Variants in RABIF observed in about 807,000 individuals in gnomAD.
RABIF encodes the protein RAB interacting factor.
Under a neutral mutation model 12.3 loss-of-function variants are expected in RABIF, and 13 were observed. That is an observed-to-expected ratio of 1.06 (90% CI 0.69 to 1.68). The LOEUF is 1.68. Ranked by LOEUF, RABIF falls within the 40% of genes most tolerant of loss-of-function variation. The pLI, the probability that RABIF is intolerant of heterozygous loss-of-function variation, is 0.00. For missense variants in RABIF, 153 were observed against 158.0 expected (o/e 0.97, Z 0.17); for synonymous variants, 70 against 63.3 (o/e 1.11, Z -0.50).
intron 1 of RABIF, among the ~76,000 whole-genome samples, chr1:202,884,620 G>A (rs1393701094): frequency 6.6e-6 from 1 of 152,150 alleles, no homozygotes; most frequent in East Asian, 1.9e-4. Context: ...GGGGGTCCAT[G>A]TACGGACGGA....
intron 1 of RABIF, 137 bp downstream of exon 1, chr1:202,888,836 G>C: frequency 8.1e-7 from 1 of 1,234,092 alleles, no homozygotes; most frequent in Non-Finnish European, 1.1e-6. Flanking sequence ...GCCGAGCTGA[G>C]GCCCGAGGGG....
intron 1 of RABIF, among the ~76,000 whole-genome samples, chr1:202,882,605 C>G (rs549929553): frequency 6.6e-6 from 1 of 152,224 alleles, no homozygotes; most frequent in South Asian, 2.1e-4. Flanking sequence ...CACATGTATA[C>G]TGGTGAAACC....
Position 202,878,825 on chromosome 1 carries a change from A to T in RABIF, c.*2153T>A, listed in dbSNP as rs770664065. The T allele has an allele frequency of 6.6e-6, 1 of 152,210 alleles. No homozygotes were observed. Among genetic ancestry groups the T allele is most frequent in the Non-Finnish European group, 1.5e-5 (1 of 68,030 alleles). The allele number at this position is 152,210 out of a possible 1,614,324, so 9.4% of individuals were successfully genotyped here. Reference sequence around the variant, plus strand: ...CTATTAGGTGTGAGGGAAATGAAGAAATGACGTTTGCATTTTATAGCTGAC... The same window carrying T: ...CTATTAGGTGTGAGGGAAATGAAGATATGACGTTTGCATTTTATAGCTGAC... On this transcript the variant is annotated 3_prime_UTR_variant, in exon 2 of 2. Coordinates refer to ENST00000367262, the MANE Select transcript of RABIF (RefSeq NM_002871.5).
In RABIF at chr1:202,880,765, AAATGTGATAC is replaced by A. The variant is rs1659476774; in HGVS notation, c.*203_*212del. The stretch of plus-strand genomic sequence containing the variant: ...AAACTGGGGGAAAAGGGAGCTTAGG[AAATGTGATAC>A]AAAGTGAACTAAGCAGGAGGCATGT... On this transcript the variant is annotated 3_prime_UTR_variant, in exon 2 of 2. Transcript: ENST00000367262. The A allele has an allele frequency of 7.6e-7, 1 of 1,317,368 alleles. No homozygotes were observed. The highest frequency in any genetic ancestry group is 1.5e-5 in the African/African-American group (1 of 68,322). 81.6% of individuals were successfully genotyped at this position (1,317,368 alleles called of 1,614,324 possible).
At chr1:202,885,927 T>C (rs975312716) in intron 1 of RABIF, among the ~76,000 whole-genome samples, 1 of 150,228 alleles carries the variant, frequency 6.7e-6, no homozygotes, top group Non-Finnish European at 1.5e-5. Flanking sequence ...ATAGGAAATT[T>C]CCAGAAATAC....
intron 1 of RABIF, among the ~76,000 whole-genome samples, chr1:202,882,036 T>C (rs73089370): frequency 0.041 from 6,291 of 152,314 alleles, 181 homozygotes; most frequent in South Asian, 0.12. Context: ...TAAATGCACA[T>C]TAGCTTGGGC....
rs1341208157 is a variant in RABIF, at chr1:202,880,709, T to C, written c.*269A>G. 7 of 1,179,160 alleles carry C rather than the reference T, an allele frequency of 5.9e-6. No individual in the cohort carries two copies. Among genetic ancestry groups the C allele is most frequent in the Non-Finnish European group, 7.4e-6 (7 of 948,756 alleles). The allele number at this position is 1,179,160 out of a possible 1,614,324, so 73.0% of individuals were successfully genotyped here. A position where few individuals can be genotyped will look rare whatever the true frequency, so the allele number is the denominator to read the frequency against. On this transcript the variant is annotated 3_prime_UTR_variant, in exon 2 of 2. Transcript: ENST00000367262. ...CCTAGGGAGAATGCCAGGGAAGAGA[T>C]GAGATTTTTGGAGGTAAGCACAGTG...
At position 202,881,173 on chromosome 1, in the gene RABIF, AT is replaced by A; in HGVS notation, c.176del (p.Asn59IlefsTer49). The A allele has an allele frequency of 1.2e-6, 2 of 1,614,160 alleles. No individual in the cohort carries two copies. The highest frequency in any genetic ancestry group is 8.5e-7 in the Non-Finnish European group (1 of 1,180,026). ...GTTCCTGGAGGAGATCGCCGTCAGG[AT>A]TGCTGCCGTCAGACAGAGCTGGCTT... ...RKKPALSDGS[N>X]PDGDLLQEHW... On this transcript the variant is annotated frameshift_variant, in exon 2 of 2. Transcript: ENST00000367262. LOFTEE classifies it high-confidence loss of function.
At position 202,881,223 on chromosome 1, in the gene RABIF, G is replaced by C. The variant is rs556109251; in HGVS notation, c.127C>G (p.Leu43Val). ...PGTALFSRRQ[L>V]FLPSMRKKPA... ...TTCTTTCTCATGGAGGGAAGGAAAA[G>C]CTGCAGTGGGAAAGAACATAAAGAA... The change falls in exon 2 of 2, where the codon CTT becomes GTT. Residue 43 changes from leucine (L) to valine (V), a missense_variant and splice_region_variant. Physicochemically the swap from Leu to Val is conservative, Grantham distance 32. Coordinates refer to ENST00000367262, the MANE Select transcript of RABIF (RefSeq NM_002871.5). 29 of 1,610,968 alleles carry C rather than the reference G, an allele frequency of 1.8e-5. No individual in the cohort carries two copies. Among genetic ancestry groups the C allele is most frequent in the Non-Finnish European group, 2.4e-5 (28 of 1,177,888 alleles).
chr1:202,885,260 A>G (rs1659544205), intron 1 of RABIF, among the ~76,000 whole-genome samples: 1 of 152,284 alleles, frequency 6.6e-6, no homozygotes, highest in Non-Finnish European at 1.5e-5. Flanking sequence ...AGGAATCGAG[A>G]AACACACTAC....
chr1:202,883,533 T>C (rs1430911862), intron 1 of RABIF, among the ~76,000 whole-genome samples: 1 of 152,224 alleles, frequency 6.6e-6, no homozygotes, highest in Non-Finnish European at 1.5e-5. Context: ...CCCTATACTG[T>C]AGGTGTGAAA....
At position 202,884,192 on chromosome 1, in the gene RABIF, ATAC is replaced by A. The variant is rs1207029715; in HGVS notation, c.127-2972_127-2970del. Among the ~76,000 whole-genome samples the A allele has an allele frequency of 5.9e-5, 9 of 152,344 alleles. No individual in the cohort carries two copies. The South Asian group carries it at 1.2e-3, about 21-fold the overall frequency. On this transcript the variant is annotated intron_variant, in intron 1 of 1. Coordinates refer to ENST00000367262, the MANE Select transcript of RABIF (RefSeq NM_002871.5). ...CACAACTCAGTGAGACTCTGCTGAT[ATAC>A]TACTAACAGCACCCTTTTAAAAATA...
In RABIF at chr1:202,889,049, T is replaced by C; in HGVS notation, c.50A>G (p.Asn17Ser). 6.2e-7 allele frequency: 1 copy of C among 1,611,062 alleles called. No individual in the cohort carries two copies. Among genetic ancestry groups the C allele is most frequent in the African/African-American group, 1.3e-5 (1 of 74,896 alleles). Residue 17 changes from asparagine to serine, a missense_variant, in exon 1 of 2, where the codon AAC becomes AGC. Transcript: ENST00000367262. ...PSELVSAEGR[N>S]RKAVLCQRCG... ...ACGCTGGCACAGCACCGCCTTCCGG[T>C]TTCGGCCCTCGGCTGACACTAACTC...
rs1659461724 is a variant in RABIF, at chr1:202,879,838, TA to T, written c.*1139del. 1 of 152,232 alleles carries T rather than the reference TA, an allele frequency of 6.6e-6. No individual in the cohort carries two copies. The highest frequency in any genetic ancestry group is 1.5e-5 in the Non-Finnish European group (1 of 68,050). 9.4% of individuals were successfully genotyped at this position (152,232 alleles called of 1,614,324 possible). On this transcript the variant is annotated 3_prime_UTR_variant, in exon 2 of 2. Coordinates refer to ENST00000367262, the MANE Select transcript of RABIF (RefSeq NM_002871.5). ...ACAGGAGGATACCTGAAACCTTGGT[TA>T]TATAATAAACTTCCTTCTACGACAG...
Position 202,878,773 on chromosome 1 carries a change from G to C in RABIF, c.*2205C>G, listed in dbSNP as rs1220928411. The stretch of plus-strand genomic sequence containing the variant: ...CTCTATCTACCCACAGCAAATAGCA[G>C]CTGATTCACAAGTATGTACTGAGAG... On this transcript the variant is annotated 3_prime_UTR_variant, in exon 2 of 2. Coordinates refer to ENST00000367262, the MANE Select transcript of RABIF (RefSeq NM_002871.5). 2.0e-5 allele frequency among the ~76,000 whole-genome samples: 3 copies of C among 152,206 alleles called. No individual in the cohort carries two copies. The East Asian group carries it at 5.8e-4, about 29-fold the overall frequency.
intron 1 of RABIF, 28 bp from the exon 2 acceptor site, chr1:202,881,251 CAGA>C (rs761752669): frequency 1.3e-6 from 2 of 1,597,116 alleles, no homozygotes; most frequent in East Asian, 4.5e-5. Flanking sequence ...ATAAAGAACG[CAGA>C]AGTTGAACTG....
chr1:202,882,039 G>A (rs1362126751), intron 1 of RABIF, among the ~76,000 whole-genome samples: 4 of 152,176 alleles, frequency 2.6e-5, no homozygotes, highest in Non-Finnish European at 5.9e-5. Flanking sequence ...ATGCACATTA[G>A]CTTGGGCAAC....
At chr1:202,883,029 C>A (rs904903262) in intron 1 of RABIF, among the ~76,000 whole-genome samples, 8 of 152,160 alleles carry the variant, frequency 5.3e-5, no homozygotes, top group African/African-American at 1.9e-4. Context: ...AGGCCTCTGG[C>A]ACGCACACAC....
Position 202,879,849 on chromosome 1 carries a change from C to T in RABIF, c.*1129G>A, listed in dbSNP as rs769289954. Reference sequence around the variant, plus strand: ...CCTGAAACCTTGGTTATATAATAAACTTCCTTCTACGACAGTGAGTCATTT... The same window carrying T: ...CCTGAAACCTTGGTTATATAATAAATTTCCTTCTACGACAGTGAGTCATTT... On this transcript the variant is annotated 3_prime_UTR_variant, in exon 2 of 2. Coordinates refer to ENST00000367262, the MANE Select transcript of RABIF (RefSeq NM_002871.5). 3.9e-5 allele frequency: 6 copies of T among 152,214 alleles called. No homozygotes were observed. Among genetic ancestry groups the T allele is most frequent in the African/African-American group, 7.2e-5 (3 of 41,456 alleles). 9.4% of individuals were successfully genotyped at this position (152,214 alleles called of 1,614,324 possible). A position where few individuals can be genotyped will look rare whatever the true frequency, so the allele number is the denominator to read the frequency against.
Sources: gnomAD v4.1 joint callset for allele counts (sites outside exome capture counted in the v4.1 genomes callset) on GRCh38, gnomAD v4.1.1 for gene constraint, MANE v1.5 for transcripts, NCBI Gene and HGNC (gene_info 2026-07-23, HGNC 2026-07-21) for gene names.